The following CAD variants were observed in gnomAD, a reference collection of about 807,000 sequenced individuals.
CAD encodes the protein carbamoyl-phosphate synthetase 2, aspartate transcarbamylase, and dihydroorotase.
CAD carries 81 observed loss-of-function variants against 237.2 expected under a neutral mutation model. That is an observed-to-expected ratio of 0.34 (90% CI 0.29 to 0.41). The LOEUF (loss-of-function observed/expected upper bound fraction) is 0.41. Among genes scored for constraint, CAD ranks in the 10% least tolerant of loss-of-function variants. The pLI is 1.00. For missense variants in CAD, 2,181 were observed against 2,951.7 expected (o/e 0.74, Z 6.05); for synonymous variants, 1,196 against 1,162.8 (o/e 1.03, Z -0.58).
chr2:27,243,458 G>C lies in CAD; in HGVS notation c.6618G>C (p.Gln2206His). 1 of 1,608,970 alleles carries C rather than the reference G, an allele frequency of 6.2e-7. No individual in the cohort carries two copies. The highest frequency in any genetic ancestry group is 8.5e-7 in the Non-Finnish European group (1 of 1,178,862). The change falls in exon 44 of 44, where the codon CAG becomes CAC. Residue 2206 changes from glutamine to histidine, a missense_variant. Around this residue, in one of 12 missense-constraint regions of CAD, gnomAD observed 170 missense variants for 212.1 expected, o/e 0.80. Transcript: ENST00000264705. ...ATCCCCGCGCAGCCTACTTCCGCCA[G>C]GCTGAGAACGGCATGTACATCCGCA... ...DSDPRAAYFR[Q>H]AENGMYIRMA...
At position 27,236,643 on chromosome 2, in the gene CAD, A is replaced by G. The variant is rs1676017861; in HGVS notation, c.4315-106A>G. 1.9e-6 allele frequency: 3 copies of G among 1,541,798 alleles called. No individual in the cohort carries two copies. Among genetic ancestry groups the G allele is most frequent in the Non-Finnish European group, 1.8e-6 (2 of 1,117,334 alleles). On this transcript the variant is annotated intron_variant, in intron 26 of 43. Coordinates refer to ENST00000264705, the MANE Select transcript of CAD (RefSeq NM_004341.5). The surrounding 1 kb of genome is among the most constrained non-coding windows in gnomAD (Gnocchi z 4.1). ...AAGCTTTGTGGCTACAGAGGGAGAG[A>G]TGGTGGGTATAGAGTGTGCAGAGCC...
Position 27,241,924 on chromosome 2 carries a change from C to T in CAD, c.5897C>T (p.Ala1966Val), listed in dbSNP as rs1279283749. ...SLDILKGKVM[A>V]SMFYEVSTRT... ...CTCTTTCCCTAGGGGAAGGTCATGG[C>T]CTCCATGTTCTATGAAGTGAGCACA... The change falls in exon 39 of 44, where the codon GCC (alanine) becomes GTC (valine). Residue 1966 changes from alanine (A) to valine (V), a missense_variant. Ala to Val is a moderately conservative substitution (Grantham distance 64). This residue lies in a region of CAD where 203 missense variants were observed against 284.5 expected (regional missense o/e 0.71). Transcript: ENST00000264705. This position sits in a 1 kb window ranked among gnomAD's most constrained non-coding sequence, Gnocchi z 4.6. 2.5e-6 allele frequency: 4 copies of T among 1,612,962 alleles called. No homozygotes were observed. The highest frequency in any genetic ancestry group is 1.7e-5 in the Admixed American group (1 of 60,018).
chr2:27,233,067 A>C lies in CAD; in HGVS notation c.2918A>C (p.Asn973Thr). The change falls in exon 19 of 44, where the codon AAC becomes ACC. Residue 973 changes from asparagine (N) to threonine (T), a missense_variant. Physicochemically the swap from Asn to Thr is moderately conservative, Grantham distance 65. Around this residue, in one of 12 missense-constraint regions of CAD, gnomAD observed 385 missense variants for 535.1 expected, o/e 0.72. Coordinates refer to ENST00000264705, the MANE Select transcript of CAD (RefSeq NM_004341.5). The surrounding 1 kb of genome is among the most constrained non-coding windows in gnomAD (Gnocchi z 6.3). ...ATGGGATATAAGACCATCATGGTGAACTATAACCCAGAGACAGTCAGCACC... is the reference window on the plus strand; with the variant it reads ...ATGGGATATAAGACCATCATGGTGACCTATAACCCAGAGACAGTCAGCACC... ...RKMGYKTIMV[N>T]YNPETVSTDY... is the part of the protein sequence containing the mutation. 1 of 1,612,822 alleles carries C rather than the reference A, an allele frequency of 6.2e-7. No homozygotes were observed. The highest frequency in any genetic ancestry group is 8.5e-7 in the Non-Finnish European group (1 of 1,178,794).
Position 27,233,754 on chromosome 2 carries a change from A to G in CAD, c.3345A>G (p.Ala1115=). 2 of 1,614,166 alleles carry G rather than the reference A, an allele frequency of 1.2e-6. No individual in the cohort carries two copies. Among genetic ancestry groups the G allele is most frequent in the Non-Finnish European group, 1.7e-6 (2 of 1,180,040 alleles). ...GDLERFLSSA[A]AVSKEHPVVI... ...TGGAGCGCTTCCTGAGCAGCGCAGC[A>G]GCCGTCTCCAAAGAGCATCCCGTGG... The change falls in exon 21 of 44, where the codon GCA becomes GCG. Residue 1115 remains alanine, a synonymous_variant. Transcript: ENST00000264705. The surrounding 1 kb of genome is among the most constrained non-coding windows in gnomAD (Gnocchi z 6.3).
Position 27,241,364 on chromosome 2 carries a change from G to A in CAD, c.5851G>A (p.Val1951Met), listed in dbSNP as rs1157847161. ...TGTGGCACACACACTGCGTATGATG[G>A]TGCAGAAGGAGCGGAGCCTCGACAT... ...FNVAHTLRMMVQKERSLDILK... is the reference protein window; with the variant it reads ...FNVAHTLRMMMQKERSLDILK... The change falls in exon 38 of 44, where the codon GTG becomes ATG. Residue 1951 changes from valine (V) to methionine (M), a missense_variant. Around this residue, in one of 12 missense-constraint regions of CAD, gnomAD observed 203 missense variants for 284.5 expected, o/e 0.71. Coordinates refer to ENST00000264705, the MANE Select transcript of CAD (RefSeq NM_004341.5). This position sits in a 1 kb window ranked among gnomAD's most constrained non-coding sequence, Gnocchi z 4.6. The A allele has an allele frequency of 6.2e-7, 1 of 1,614,210 alleles. No homozygotes were observed. Among genetic ancestry groups the A allele is most frequent in the Non-Finnish European group, 8.5e-7 (1 of 1,180,034 alleles).
In CAD at chr2:27,240,479, C is replaced by T; in HGVS notation, c.5593+118C>T. On this transcript the variant is annotated intron_variant, in intron 35 of 43. Transcript: ENST00000264705. The surrounding 1 kb of genome is among the most constrained non-coding windows in gnomAD (Gnocchi z 4.6). ...CTCCATCCCTTTATCCTCGTCTGAT[C>T]TGCCGTGCCATCCTTTGCCTAAACA... 6.7e-7 allele frequency: 1 copy of T among 1,483,334 alleles called. No individual in the cohort carries two copies. The highest frequency in any genetic ancestry group is 9.3e-7 in the Non-Finnish European group (1 of 1,073,588). The allele number at this position is 1,483,334 out of a possible 1,614,324, so 91.9% of individuals were successfully genotyped here.
Position 27,217,430 on chromosome 2 carries a change from C to T in CAD, c.-122C>T. On this transcript the variant is annotated 5_prime_UTR_variant, in exon 1 of 44. Transcript: ENST00000264705. ...CTACGCTGCCGCGCCCGGCTTCTCTCCAGCGCCCCGCGCCGTTAGCCACGT... is the reference window on the plus strand; with the variant it reads ...CTACGCTGCCGCGCCCGGCTTCTCTTCAGCGCCCCGCGCCGTTAGCCACGT... 2 of 867,246 alleles carry T rather than the reference C, an allele frequency of 2.3e-6. No individual in the cohort carries two copies. The highest frequency in any genetic ancestry group is 5.6e-5 in the East Asian group (2 of 35,972). 53.7% of individuals were successfully genotyped at this position (867,246 alleles called of 1,614,324 possible). A position where few individuals can be genotyped will look rare whatever the true frequency, so the allele number is the denominator to read the frequency against.
rs1023418697 is a variant in CAD at position 27,240,112 on chromosome 2, A to G, written c.5497-153A>G. ...AAAAATTAGCCAGGCGTGGTGGTGC[A>G]CATCTGTAATCCCAGCTACTTGGGA... On this transcript the variant is annotated intron_variant, in intron 34 of 43. Transcript: ENST00000264705. This position sits in a 1 kb window ranked among gnomAD's most constrained non-coding sequence, Gnocchi z 4.6. The G allele has an allele frequency of 1.4e-6, 1 of 690,252 alleles. No individual in the cohort carries two copies. The highest frequency in any genetic ancestry group is 2.5e-6 in the Non-Finnish European group (1 of 397,014). The allele number at this position is 690,252 out of a possible 1,614,324, so 42.8% of individuals were successfully genotyped here.
intron 2 of CAD, among the ~76,000 whole-genome samples, chr2:27,220,422 G>GGGGCTC (rs1675101230): frequency 6.6e-6 from 1 of 152,028 alleles, no homozygotes; most frequent in Non-Finnish European, 1.5e-5. Context: ...GCTGAGGTGG[G>GGGGCTC]GGGATCGCTT....
rs200932050 is a variant in CAD at position 27,222,505 on chromosome 2, C to T, written c.496-14C>T. 24 of 1,611,876 alleles carry T rather than the reference C, an allele frequency of 1.5e-5. No individual in the cohort carries two copies. The highest frequency in any genetic ancestry group is 1.2e-4 in the African/African-American group (9 of 74,974). On this transcript the variant is annotated splice_polypyrimidine_tract_variant and intron_variant, in intron 4 of 43. Transcript: ENST00000264705. ...CAGCTGCCAACTGTTGCCCTTTATT[C>T]GTCTATTTCTCAGACTCCACGGGTA...
Position 27,225,109 on chromosome 2 carries a change from C to T in CAD, c.1486C>T (p.Arg496Trp), listed in dbSNP as rs200964128. The change falls in exon 11 of 44, where the codon CGG becomes TGG. Residue 496 changes from arginine (R) to tryptophan (W), a missense_variant. Arg to Trp is a moderately radical substitution (Grantham distance 101). Around this residue, in one of 12 missense-constraint regions of CAD, gnomAD observed 174 missense variants for 215.8 expected, o/e 0.81. Coordinates refer to ENST00000264705, the MANE Select transcript of CAD (RefSeq NM_004341.5). ...GCTGACCAAGGCCGGGGTGCTGGCT[C>T]GGTATGGGGTCCGGGTCCTGGGCAC... ...VELTKAGVLA[R>W]YGVRVLGTPV... 1.9e-5 allele frequency: 30 copies of T among 1,614,052 alleles called. No homozygotes were observed. The highest frequency in any genetic ancestry group is 1.7e-4 in the African/African-American group (13 of 74,986).
In CAD at chr2:27,225,937, G is replaced by A. The variant is rs771675791; in HGVS notation, c.1842+11G>A. 2 of 1,609,998 alleles carry A rather than the reference G, an allele frequency of 1.2e-6. No homozygotes were observed. Among genetic ancestry groups the A allele is most frequent in the Non-Finnish European group, 1.7e-6 (2 of 1,176,182 alleles). On this transcript the variant is annotated intron_variant, in intron 12 of 43. Transcript: ENST00000264705. ...GGCAACTGTGTCACGGTGAGTGAATGGGGGAAGGGTGGGCGTCGTGTCAGG... is the reference window on the plus strand; with the variant it reads ...GGCAACTGTGTCACGGTGAGTGAATAGGGGAAGGGTGGGCGTCGTGTCAGG...
chr2:27,238,928 A>T (rs921192166), intron 31 of CAD, 114 bp from the exon 32 acceptor site: 3 of 1,027,016 alleles, frequency 2.9e-6, no homozygotes, highest in Non-Finnish European at 4.3e-6. Flanking sequence ...AAAAATGAGC[A>T]TTGGGAGTGG....
chr2:27,225,550 C>G (rs568075492), intron 11 of CAD, among the ~76,000 whole-genome samples, 155 bp from the exon 12 acceptor site: 1 of 67,718 alleles, frequency 1.5e-5, no homozygotes, highest in Non-Finnish European at 2.5e-5. Flanking sequence ...AGGTGATCCA[C>G]CCCCCCGACC....
At position 27,217,395 on chromosome 2, in the gene CAD, C is replaced by T. The variant is rs915290714; in HGVS notation, c.-157C>T. The T allele has an allele frequency of 7.4e-6, 5 of 672,338 alleles. No individual in the cohort carries two copies. The highest frequency in any genetic ancestry group is 2.4e-5 in the Admixed American group (1 of 40,990). The allele number at this position is 672,338 out of a possible 1,614,324, so 41.6% of individuals were successfully genotyped here. A position where few individuals can be genotyped will look rare whatever the true frequency, so the allele number is the denominator to read the frequency against. ...GTCTCTGCTGCTGCCGCCAAGCGCG[C>T]CCGAGGCTCCTACGCTGCCGCGCCC... On this transcript the variant is annotated 5_prime_UTR_variant, in exon 1 of 44. Transcript: ENST00000264705.
At chr2:27,218,254 G>A (rs1341115265) in intron 2 of CAD, among the ~76,000 whole-genome samples, 1 of 152,228 alleles carries the variant, frequency 6.6e-6, no homozygotes, top group African/African-American at 2.4e-5. Flanking sequence ...GGGCATCAAG[G>A]CTCCAGGTAT....
At position 27,226,383 on chromosome 2, in the gene CAD, C is replaced by T; in HGVS notation, c.2031+64C>T. ...CCCCCTCTTCTTGTATAATTTTTGG[C>T]CCTTGAGGTTGAGGTCTTTTGGGCT... On this transcript the variant is annotated intron_variant, in intron 13 of 43. Coordinates refer to ENST00000264705, the MANE Select transcript of CAD (RefSeq NM_004341.5). The T allele has an allele frequency of 5.7e-6, 9 of 1,572,104 alleles. No homozygotes were observed. The South Asian group carries it at 6.8e-5, about 12-fold the overall frequency.
intron 9 of CAD, 97 bp downstream of exon 9, chr2:27,224,587 C>T: frequency 1.3e-6 from 2 of 1,552,478 alleles, no homozygotes; most frequent in African/African-American, 1.4e-5. Flanking sequence ...GGAAATGAAC[C>T]AGATTTGGGG....
chr2:27,239,091 C>G lies in CAD; in HGVS notation c.5112C>G (p.Phe1704Leu). ...GTGGGTCCAGGCCCCCACCTGGGTTCCCAGGGTTAGAGACCATGCTGCCAC... is the reference window on the plus strand; with the variant it reads ...GTGGGTCCAGGCCCCCACCTGGGTTGCCAGGGTTAGAGACCATGCTGCCAC... The part of the protein sequence containing the change: ...EKCGSRPPPG[F>L]PGLETMLPLL... The change falls in exon 32 of 44, where the codon TTC becomes TTG. Residue 1704 changes from phenylalanine to leucine, a missense_variant. Phe to Leu is a conservative substitution (Grantham distance 22, BLOSUM62 0). Coordinates refer to ENST00000264705, the MANE Select transcript of CAD (RefSeq NM_004341.5). This position sits in a 1 kb window ranked among gnomAD's most constrained non-coding sequence, Gnocchi z 4.0. 1 of 1,602,386 alleles carries G rather than the reference C, an allele frequency of 6.2e-7. No individual in the cohort carries two copies. The highest frequency in any genetic ancestry group is 1.1e-5 in the South Asian group (1 of 89,282).
Sources: gnomAD v4.1 joint callset for allele counts (sites outside exome capture counted in the v4.1 genomes callset) on GRCh38, gnomAD v4.1.1 for gene constraint, gnomAD v4.1.1 regional missense constraint, Gnocchi (gnomAD v3.1) non-coding constraint, MANE v1.5 for transcripts, NCBI Gene and HGNC (gene_info 2026-07-23, HGNC 2026-07-21) for gene names.